The following AKAP6 variants were observed in gnomAD, a reference collection of about 807,000 sequenced individuals.
AKAP6 encodes A-kinase anchor protein 6.
AKAP6 carries 58 observed loss-of-function variants against 188.5 expected under a neutral mutation model. That is an observed-to-expected ratio of 0.31 (90% CI 0.25 to 0.38). The LOEUF (loss-of-function observed/expected upper bound fraction) is 0.38. Among genes scored for constraint, AKAP6 ranks in the 10% least tolerant of loss-of-function variants. The pLI is 1.00. For missense variants in AKAP6, 2,710 were observed against 2,740.0 expected, an observed-to-expected ratio of 0.99 and a Z score of 0.24; for synonymous variants, 989 against 998.6, an observed-to-expected ratio of 0.99 and a Z score of 0.18.
intron 11 of AKAP6, among the ~76,000 whole-genome samples, chr14:32,742,665 T>A (rs933182768): frequency 6.6e-6 from 1 of 152,080 alleles, no homozygotes; most frequent in South Asian, 2.1e-4. Context: ...TTTCCTTGTG[T>A]TTGTATAGTT....
intron 2 of AKAP6, among the ~76,000 whole-genome samples, chr14:32,459,709 A>C (rs1367283803): frequency 6.6e-6 from 1 of 151,172 alleles, no homozygotes; most frequent in East Asian, 1.9e-4. Flanking sequence ...AAGAAAAAAG[A>C]ATATCAAATT....
intron 11 of AKAP6, among the ~76,000 whole-genome samples, chr14:32,769,636 C>G (rs994127611): frequency 2.0e-5 from 3 of 151,364 alleles, no homozygotes; most frequent in Non-Finnish European, 4.4e-5. Flanking sequence ...TTTAATCAAC[C>G]TACAAAGTTA....
At chr14:32,390,244 C>T (rs1162486715) in intron 1 of AKAP6, among the ~76,000 whole-genome samples, 2 of 151,776 alleles carry the variant, frequency 1.3e-5, no homozygotes, top group East Asian at 1.9e-4. Flanking sequence ...ATATTTCTCC[C>T]TTCACTTCTT....
At chr14:32,768,334 CAG>C (rs1306247337) in intron 11 of AKAP6, among the ~76,000 whole-genome samples, 3 of 152,110 alleles carry the variant, frequency 2.0e-5, no homozygotes, top group Non-Finnish European at 4.4e-5. Context: ...TTTCTGGGAG[CAG>C]AGTTTCTTTT....
intron 7 of AKAP6, among the ~76,000 whole-genome samples, chr14:32,619,360 T>C (rs181784302): frequency 6.6e-6 from 1 of 152,232 alleles, no homozygotes; most frequent in East Asian, 1.9e-4. Flanking sequence ...GTTTTGTATA[T>C]AGTGAGAGTT....
chr14:32,745,387 AG>A (rs2031852308), intron 11 of AKAP6, among the ~76,000 whole-genome samples: 2 of 130,666 alleles, frequency 1.5e-5, no homozygotes, highest in Admixed American at 1.5e-4. Flanking sequence ...GACAACGTCT[AG>A]GATAATTTCT....
intron 12 of AKAP6, among the ~76,000 whole-genome samples, chr14:32,788,616 C>A (rs11156763): frequency 0.76 from 115,840 of 152,034 alleles, 44,532 homozygotes; most frequent in South Asian, 0.86. Context: ...GTGCAACCCC[C>A]CCCAGGAAAC....
chr14:32,747,106 AT>A (rs748865375), intron 11 of AKAP6, among the ~76,000 whole-genome samples: 2 of 152,202 alleles, frequency 1.3e-5, no homozygotes, highest in Non-Finnish European at 2.9e-5. Context: ...AGAAATAAAA[AT>A]AAGACCAATT....
intron 7 of AKAP6, among the ~76,000 whole-genome samples, chr14:32,660,937 C>G (rs1033649592): frequency 5.9e-4 from 72 of 121,632 alleles, no homozygotes; most frequent in Middle Eastern, 4.4e-3. Context: ...CCCCCCCCTC[C>G]CAATTCCAGC....
In AKAP6 at chr14:32,490,062, C is replaced by T. The variant is rs149729210; in HGVS notation, c.325-45492C>T. Among the ~76,000 whole-genome samples, 9 of 151,678 alleles carry T rather than the reference C, an allele frequency of 5.9e-5. No individual in the cohort carries two copies. The East Asian group carries it at 1.6e-3, about 26-fold the overall frequency. On this transcript the variant is annotated intron_variant, in intron 2 of 13. Transcript: ENST00000280979. Reference sequence around the variant, plus strand: ...ACATTCTCAAGGGTGGGGAGAGTTACAGAGAACCTTCTTAAGGGTGGGGGA... The same window carrying T: ...ACATTCTCAAGGGTGGGGAGAGTTATAGAGAACCTTCTTAAGGGTGGGGGA...
chr14:32,535,157 T>C (rs1426625423), intron 2 of AKAP6, among the ~76,000 whole-genome samples: 1 of 152,178 alleles, frequency 6.6e-6, no homozygotes, highest in East Asian at 1.9e-4. Flanking sequence ...GTGATGTTTC[T>C]AACCTGAAAT....
At position 32,623,240 on chromosome 14, in the gene AKAP6, G is replaced by A. The variant is rs139547666; in HGVS notation, c.2730+22448G>A. The stretch of plus-strand genomic sequence containing the variant: ...TTTTCAATATTTGTTGTTGTTGTTA[G>A]TGGGAAATCATTATTATGATACTTC... On this transcript the variant is annotated intron_variant, in intron 7 of 13. Transcript: ENST00000280979. Among the ~76,000 whole-genome samples, 1,257 of 152,246 alleles carry A rather than the reference G, an allele frequency of 8.3e-3. 20 individuals are homozygous for A. The highest frequency in any genetic ancestry group is 0.029 in the African/African-American group (1,205 of 41,558).
At chr14:32,646,546 A>G (rs1160269233) in intron 7 of AKAP6, among the ~76,000 whole-genome samples, 1 of 152,178 alleles carries the variant, frequency 6.6e-6, no homozygotes, top group Non-Finnish European at 1.5e-5. Flanking sequence ...TGAAATTCTA[A>G]TGGCTGAACT....
At chr14:32,354,334 A>G (rs1160291344) in intron 1 of AKAP6, among the ~76,000 whole-genome samples, 1 of 152,046 alleles carries the variant, frequency 6.6e-6, no homozygotes, top group African/African-American at 2.4e-5. Flanking sequence ...AGGGAAAGCT[A>G]CCTGTTCCCT....
chr14:32,760,882 A>G (rs1048576396), intron 11 of AKAP6, among the ~76,000 whole-genome samples: 3 of 152,158 alleles, frequency 2.0e-5, no homozygotes, highest in African/African-American at 7.2e-5. Flanking sequence ...ATATCTCTCT[A>G]CTACCTAATA....
chr14:32,551,494 C>T (rs1883459695), intron 4 of AKAP6, among the ~76,000 whole-genome samples: 1 of 150,180 alleles, frequency 6.7e-6, no homozygotes, highest in South Asian at 2.1e-4. Context: ...ATTGCTTGAA[C>T]CCGGGAGGTG....
At chr14:32,642,726 A>G (rs1374124022) in intron 7 of AKAP6, among the ~76,000 whole-genome samples, 1 of 152,196 alleles carries the variant, frequency 6.6e-6, no homozygotes, top group Non-Finnish European at 1.5e-5. Context: ...ACATTAAATG[A>G]TCCCTCAAGA....
intron 2 of AKAP6, among the ~76,000 whole-genome samples, chr14:32,512,408 T>G (rs1881306314): frequency 6.6e-6 from 1 of 152,192 alleles, no homozygotes; most frequent in Non-Finnish European, 1.5e-5. Context: ...ATCTGGAGGT[T>G]TAGAAAGTGC....
chr14:32,403,359 T>C (rs1889163453), intron 1 of AKAP6: 2 of 152,258 alleles, frequency 1.3e-5, no homozygotes, highest in South Asian at 2.1e-4. Context: ...AAGAGTTCTC[T>C]TGGGATACCT....
Sources: allele counts gnomAD v4.1 joint callset (sites outside exome capture counted in the v4.1 genomes callset), GRCh38; gene constraint gnomAD v4.1.1; transcripts MANE v1.5; gene names NCBI Gene and HGNC (gene_info 2026-07-23, HGNC 2026-07-21).